Variants in GALK2 observed in about 807,000 individuals in gnomAD.
GALK2 encodes N-acetylgalactosamine kinase.
In GALK2, 36 loss-of-function variants were observed where a neutral mutation model predicts 52.4. That is an observed-to-expected ratio of 0.69 (90% CI 0.53 to 0.91). GALK2 has a LOEUF of 0.91. Among genes scored for constraint, GALK2 ranks in the 40% least tolerant of loss-of-function variants. The pLI is 0.00. For missense variants in GALK2, 579 were observed against 559.1 expected, an observed-to-expected ratio of 1.04 and a Z score of -0.36; for synonymous variants, 176 against 199.1, an observed-to-expected ratio of 0.88 and a Z score of 0.98.
At chr15:49,266,358 G>A (rs1435238557) in intron 5 of GALK2, among the ~76,000 whole-genome samples, 1 of 152,188 alleles carries the variant, frequency 6.6e-6, no homozygotes, top group Non-Finnish European at 1.5e-5. Flanking sequence ...GAACTGCAAA[G>A]TCACATTGCA....
intron 3 of GALK2, among the ~76,000 whole-genome samples, chr15:49,351,277 A>G (rs2042205860): frequency 1.3e-5 from 2 of 152,194 alleles, no homozygotes; most frequent in Non-Finnish European, 2.9e-5. Flanking sequence ...ACTACTAGCT[A>G]TGGAATTGTT....
At chr15:49,305,820 A>G (rs2141887244) in intron 8 of GALK2, among the ~76,000 whole-genome samples, 1 of 152,358 alleles carries the variant, frequency 6.6e-6, no homozygotes, top group South Asian at 2.1e-4. Flanking sequence ...ACACAAATGC[A>G]GAGAAACCAC....
chr15:49,165,062 T>G (rs1253018545), intron 1 of GALK2, among the ~76,000 whole-genome samples: 1 of 152,188 alleles, frequency 6.6e-6, no homozygotes, highest in Non-Finnish European at 1.5e-5. Flanking sequence ...TTATGTTTAT[T>G]GTTGTATCCC....
Position 49,210,963 on chromosome 15 carries a change from A to ACACACACT in GALK2, c.143-6220_143-6219insTCACACAC, listed in dbSNP as rs2088821913. 2.6e-5 allele frequency among the ~76,000 whole-genome samples: 3 copies of ACACACACT among 113,388 alleles called. No homozygotes were observed. In the South Asian group the frequency reaches 8.6e-4, roughly 33 times the overall value. The allele number at this position is 113,388 out of a possible 152,430, so 74.4% of individuals were successfully genotyped here. The stretch of plus-strand genomic sequence containing the variant: ...GGTTTCCCAATGTTGGCTGTCACAC[A>ACACACACT]CACACACACTCACACACACACACAC... On this transcript the variant is annotated intron_variant, in intron 2 of 9. Transcript: ENST00000560031.
chr15:49,335,400 T>C (rs755489220), downstream of GALK2: 1 of 1,507,626 alleles, frequency 6.6e-7, no homozygotes, highest in Non-Finnish European at 9.2e-7. Context: ...TATTTAACAA[T>C]AGTATAGCAT....
intron 5 of GALK2, among the ~76,000 whole-genome samples, chr15:49,257,937 A>G (rs2091885047): frequency 6.7e-6 from 1 of 149,344 alleles, no homozygotes; most frequent in Non-Finnish European, 1.5e-5. Flanking sequence ...ATAACATTTT[A>G]TTTAATTTTA....
At chr15:49,260,940 A>G (rs540345211) in intron 5 of GALK2, among the ~76,000 whole-genome samples, 1 of 152,212 alleles carries the variant, frequency 6.6e-6, no homozygotes, top group Admixed American at 6.5e-5. Context: ...CTGTTTCGGT[A>G]CCAGTACCAT....
chr15:49,177,392 A>G (rs1808637953), intron 1 of GALK2, among the ~76,000 whole-genome samples: 1 of 152,250 alleles, frequency 6.6e-6, no homozygotes, highest in Non-Finnish European at 1.5e-5. Flanking sequence ...CTAATCAGAT[A>G]AAGCAAAGAC....
intron 3 of GALK2, among the ~76,000 whole-genome samples, chr15:49,217,670 G>C (rs953886294): frequency 1.3e-5 from 2 of 152,120 alleles, no homozygotes; most frequent in African/African-American, 2.4e-5. Flanking sequence ...TAAGTATCTT[G>C]TCATAGCATA....
chr15:49,171,512 A>G (rs1343245850), intron 1 of GALK2, among the ~76,000 whole-genome samples: 1 of 152,280 alleles, frequency 6.6e-6, no homozygotes, highest in Non-Finnish European at 1.5e-5. Flanking sequence ...CTACAACTTG[A>G]AAATGTTCTT....
intron 5 of GALK2, among the ~76,000 whole-genome samples, chr15:49,265,561 G>T (rs368943364): frequency 1.7e-4 from 26 of 152,322 alleles, no homozygotes; most frequent in African/African-American, 5.8e-4. Context: ...TGGCTCGCGC[G>T]CAGTGCGCTG....
At chr15:49,322,829 C>A (rs371031497) in intron 9 of GALK2, among the ~76,000 whole-genome samples, 1 of 151,820 alleles carries the variant, frequency 6.6e-6, no homozygotes, top group Non-Finnish European at 1.5e-5. Flanking sequence ...TGGCGGCATG[C>A]GCCTGTAGTC....
At chr15:49,201,383 C>T in intron 2 of GALK2, 133 bp downstream of exon 2, 1 of 541,570 alleles carries the variant, frequency 1.8e-6, no homozygotes, top group Non-Finnish European at 3.2e-6. Context: ...GTAAGATGTG[C>T]CTTTGCATAA....
intron 1 of GALK2, among the ~76,000 whole-genome samples, chr15:49,171,780 T>C (rs557584915): frequency 3.9e-5 from 6 of 152,096 alleles, no homozygotes; most frequent in African/African-American, 1.4e-4. Context: ...TAGTCTTATT[T>C]TTTTTTTTTG....
intron 5 of GALK2, among the ~76,000 whole-genome samples, chr15:49,269,059 A>T (rs1259977404): frequency 1.3e-5 from 2 of 152,188 alleles, no homozygotes; most frequent in African/African-American, 4.8e-5. Context: ...TAAGGAATGA[A>T]AATCTGGAGA....
At chr15:49,345,483 A>C (rs564707010) in intron 3 of GALK2, among the ~76,000 whole-genome samples, 19 of 152,302 alleles carry the variant, frequency 1.2e-4, no homozygotes, top group African/African-American at 4.6e-4. Flanking sequence ...TATTCTTTTT[A>C]GACACTTATA....
At chr15:49,228,909 G>A (rs2090347413) in intron 3 of GALK2, among the ~76,000 whole-genome samples, 1 of 151,096 alleles carries the variant, frequency 6.6e-6, no homozygotes, top group South Asian at 2.1e-4. Flanking sequence ...TGGATGGGCT[G>A]GTCTCAAACT....
intron 9 of GALK2, among the ~76,000 whole-genome samples, chr15:49,325,943 A>G (rs556199244): frequency 6.6e-6 from 1 of 152,180 alleles, no homozygotes; most frequent in Admixed American, 6.5e-5. Flanking sequence ...TAAAAATAAT[A>G]CTCTGTTTGC....
At chr15:49,361,273 G>T (rs1344654149) in intron 3 of GALK2, among the ~76,000 whole-genome samples, 1 of 151,724 alleles carries the variant, frequency 6.6e-6, no homozygotes, top group African/African-American at 2.4e-5. Context: ...TAGGTTCAGG[G>T]GTACATGTGG....
Sources: gnomAD v4.1 joint callset for allele counts (sites outside exome capture counted in the v4.1 genomes callset) on GRCh38, gnomAD v4.1.1 for gene constraint, MANE v1.5 for transcripts, NCBI Gene and HGNC (gene_info 2026-07-23, HGNC 2026-07-21) for gene names.